Variants in GAS7 observed in about 807,000 individuals in gnomAD.
GAS7 encodes the protein growth arrest-specific protein 7.
A neutral mutation model predicts 71.1 loss-of-function variants in GAS7; 28 were observed. That is an observed-to-expected ratio of 0.39 (90% CI 0.29 to 0.54). The LOEUF is 0.54. GAS7 is among the 20% of genes least tolerant of loss of function. The pLI is 0.62. For synonymous variants in GAS7, 258 were observed against 245.8 expected, an observed-to-expected ratio of 1.05 and a Z score of -0.46; for missense variants, 436 against 627.8, an observed-to-expected ratio of 0.69 and a Z score of 3.27.
At chr17:10,143,408 G>T (rs2142099384) in intron 1 of GAS7, among the ~76,000 whole-genome samples, 1 of 152,184 alleles carries the variant, frequency 6.6e-6, no homozygotes, top group East Asian at 1.9e-4. Flanking sequence ...TGGGTATGTT[G>T]TGTGTCCCCT....
intron 4 of GAS7, among the ~76,000 whole-genome samples, chr17:9,962,151 T>G (rs914352308): frequency 9.9e-5 from 15 of 152,110 alleles, no homozygotes; most frequent in African/African-American, 3.6e-4. Flanking sequence ...AGGGCCAAGG[T>G]AGATCACAGG....
chr17:9,973,217 A>T (rs1333565039), intron 3 of GAS7, among the ~76,000 whole-genome samples: 1 of 151,976 alleles, frequency 6.6e-6, no homozygotes. Flanking sequence ...AGAATTAGGG[A>T]TTAGAAAGAA....
At chr17:9,967,078 A>G (rs934054864) in intron 4 of GAS7, among the ~76,000 whole-genome samples, 4 of 151,938 alleles carry the variant, frequency 2.6e-5, no homozygotes, top group African/African-American at 9.7e-5. Flanking sequence ...AGTCTGACTC[A>G]ATCCGCCTGT....
intron 1 of GAS7, among the ~76,000 whole-genome samples, chr17:10,115,789 C>T (rs1423179012): frequency 2.0e-5 from 3 of 152,162 alleles, no homozygotes; most frequent in Admixed American, 6.5e-5. Context: ...CCCTTAAAAC[C>T]GTGCCCCACT....
chr17:10,017,050 G>C (rs2072054979), intron 2 of GAS7, among the ~76,000 whole-genome samples: 2 of 149,286 alleles, frequency 1.3e-5, no homozygotes, highest in South Asian at 4.2e-4. Flanking sequence ...AGGAGTGTTT[G>C]AGCCCAGGAG....
chr17:9,937,632 C>G (rs1289232188), intron 8 of GAS7, among the ~76,000 whole-genome samples: 1 of 152,252 alleles, frequency 6.6e-6, no homozygotes, highest in African/African-American at 2.4e-5. Flanking sequence ...CCTGGCTGCA[C>G]AGCCAACCCA....
At chr17:10,145,572 TC>T (rs1329700494) in intron 1 of GAS7, among the ~76,000 whole-genome samples, 1 of 152,184 alleles carries the variant, frequency 6.6e-6, no homozygotes, top group Non-Finnish European at 1.5e-5. Flanking sequence ...AGGACCAAGT[TC>T]TGAGTTCCTG....
intron 11 of GAS7, among the ~76,000 whole-genome samples, chr17:9,922,961 T>C (rs560335263): frequency 1.3e-5 from 2 of 152,308 alleles, no homozygotes; most frequent in Non-Finnish European, 2.9e-5. Context: ...CAGGCTGGAG[T>C]GCAGTGCTGC....
intron 1 of GAS7, among the ~76,000 whole-genome samples, chr17:10,021,150 A>G (rs1040275978): frequency 6.6e-6 from 1 of 152,186 alleles, no homozygotes; most frequent in African/African-American, 2.4e-5. Context: ...TAAAATCAGA[A>G]TTGTAGCCAT....
chr17:10,058,551 T>C (rs2152241205), intron 1 of GAS7, among the ~76,000 whole-genome samples: 1 of 152,308 alleles, frequency 6.6e-6, no homozygotes, highest in South Asian at 2.1e-4. Context: ...CACACCATAC[T>C]GATCAGAGGA....
intron 1 of GAS7, among the ~76,000 whole-genome samples, chr17:10,169,164 T>G (rs190355166): frequency 6.7e-6 from 1 of 149,722 alleles, no homozygotes; most frequent in African/African-American, 2.5e-5. Context: ...TCCCCGCTAC[T>G]CTGAAGCAGG....
intron 1 of GAS7, among the ~76,000 whole-genome samples, chr17:10,048,360 A>T (rs2073011739): frequency 6.6e-6 from 1 of 152,220 alleles, no homozygotes. Context: ...ACAGGCAAAA[A>T]GAGAAAGGGT....
At chr17:9,967,366 C>T (rs1382130238) in intron 4 of GAS7, among the ~76,000 whole-genome samples, 1 of 152,074 alleles carries the variant, frequency 6.6e-6, no homozygotes, top group Admixed American at 6.6e-5. Context: ...TGTCCCATGC[C>T]TTGCGAGATA....
At chr17:10,007,902 T>TCC (rs915305975) in intron 2 of GAS7, among the ~76,000 whole-genome samples, 3 of 97,956 alleles carry the variant, frequency 3.1e-5, no homozygotes, top group African/African-American at 1.6e-4. Context: ...TAATTCCAGC[T>TCC]CCCCCCCGCA....
At chr17:10,100,335 T>C (rs2073686391) in intron 1 of GAS7, among the ~76,000 whole-genome samples, 1 of 152,220 alleles carries the variant, frequency 6.6e-6, no homozygotes, top group Admixed American at 6.5e-5. Context: ...TTTTCTCCCT[T>C]TGTGTGGATT....
At chr17:10,100,382 G>T (rs1407096508) in intron 1 of GAS7, among the ~76,000 whole-genome samples, 1 of 152,110 alleles carries the variant, frequency 6.6e-6, no homozygotes, top group East Asian at 1.9e-4. Context: ...AGCACAGAAT[G>T]CCACTTCCCA....
rs73275913 is a variant in GAS7 at position 10,131,273 on chromosome 17, G to A, written c.183+66935C>T. Among the ~76,000 whole-genome samples, 627 of 152,298 alleles carry A rather than the reference G, an allele frequency of 4.1e-3. 4 individuals carry two copies. Among genetic ancestry groups the A allele is most frequent in the African/African-American group, 0.013 (553 of 41,562 alleles). On this transcript the variant is annotated intron_variant, in intron 1 of 13. Transcript: ENST00000432992. ...AAACTTTAAGTTTCTGAACACAGCGGGGCCTGATAATTACAGCCAACATTG... is the reference window on the plus strand; with the variant it reads ...AAACTTTAAGTTTCTGAACACAGCGAGGCCTGATAATTACAGCCAACATTG...
intron 4 of GAS7, among the ~76,000 whole-genome samples, chr17:9,966,134 G>T (rs1451880351): frequency 6.6e-6 from 1 of 151,874 alleles, no homozygotes; most frequent in Non-Finnish European, 1.5e-5. Flanking sequence ...GAGTAGCTGG[G>T]ACTACAGGTG....
chr17:9,964,508 G>A (rs1342438538), intron 4 of GAS7, among the ~76,000 whole-genome samples: 1 of 152,106 alleles, frequency 6.6e-6, no homozygotes, highest in African/African-American at 2.4e-5. Flanking sequence ...GTCTCTATGC[G>A]TAAACACGGT....
Sources: allele counts gnomAD v4.1 joint callset (sites outside exome capture counted in the v4.1 genomes callset), GRCh38; gene constraint gnomAD v4.1.1; transcripts MANE v1.5; gene names NCBI Gene and HGNC (gene_info 2026-07-23, HGNC 2026-07-21).